Variants in MPPED1 observed in about 807,000 individuals in gnomAD.
The protein encoded by MPPED1 is metallophosphoesterase domain containing 1, also known as metallophosphoesterase domain-containing protein 1.
A neutral mutation model predicts 36.2 loss-of-function variants in MPPED1; 16 were observed. The observed-to-expected ratio is 0.44, with a 90% CI of 0.30 to 0.67. The LOEUF (loss-of-function observed/expected upper bound fraction) is 0.67. Ranked by LOEUF, MPPED1 falls within the 30% of genes least tolerant of loss-of-function variation. The pLI, the probability that MPPED1 is intolerant of heterozygous loss-of-function variation, is 0.10. For missense variants in MPPED1, 307 were observed against 453.4 expected (o/e 0.68, Z 2.93); for synonymous variants, 199 against 191.3 (o/e 1.04, Z -0.33).
At chr22:43,443,990 T>C (rs1325277558) in intron 3 of MPPED1, among the ~76,000 whole-genome samples, 1 of 152,016 alleles carries the variant, frequency 6.6e-6, no homozygotes, top group Non-Finnish European at 1.5e-5. Context: ...AGAAGAAAAA[T>C]GGATGGCTTG....
intron 3 of MPPED1, among the ~76,000 whole-genome samples, chr22:43,471,774 A>G (rs1424981540): frequency 6.6e-6 from 1 of 152,182 alleles, no homozygotes; most frequent in Non-Finnish European, 1.5e-5. Context: ...GGGGCCTGCT[A>G]GGGACAGAGC....
rs1233606135 is a variant in MPPED1 at position 43,474,444 on chromosome 22, G to A, written c.407-292G>A. ...GATGAAGACACCTGTTGGGGGCCTG[G>A]CAGCAGGTACCCCTGTCAGCGATTC... On this transcript the variant is annotated intron_variant, in intron 3 of 6. Coordinates refer to ENST00000443721, the MANE Select transcript of MPPED1 (RefSeq NM_001044370.2). This position sits in a 1 kb window ranked among gnomAD's most constrained non-coding sequence, Gnocchi z 5.2. 5.3e-5 allele frequency among the ~76,000 whole-genome samples: 8 copies of A among 152,252 alleles called. No individual in the cohort carries two copies. Among genetic ancestry groups the A allele is most frequent in the Non-Finnish European group, 1.2e-4 (8 of 68,044 alleles).
chr22:43,430,690 T>C (rs1929645042), intron 2 of MPPED1, among the ~76,000 whole-genome samples: 1 of 151,904 alleles, frequency 6.6e-6, no homozygotes, highest in Admixed American at 6.6e-5. Flanking sequence ...CCACGTCTTA[T>C]CTCTGGTCCC....
intron 5 of MPPED1, among the ~76,000 whole-genome samples, chr22:43,499,650 G>A (rs1409592315): frequency 7.9e-6 from 1 of 125,944 alleles, no homozygotes; most frequent in Non-Finnish European, 1.6e-5. Flanking sequence ...GGTGGTGGTG[G>A]TGATGGGGGT....
At chr22:43,417,723 G>A (rs1437036630) in intron 1 of MPPED1, 1 of 224,402 alleles carries the variant, frequency 4.5e-6, no homozygotes, top group Non-Finnish European at 9.0e-6. Context: ...AAAAGCCCTA[G>A]TAAGCACTGC....
In MPPED1 at chr22:43,424,982, G is replaced by T. The variant is rs1248736112; in HGVS notation, c.-4G>T. ...GGAGATGCCGGGGCGGCCGGCGGAGGTCCATGTGGCGCTCTAGGTGGGATG... is the reference window on the plus strand; with the variant it reads ...GGAGATGCCGGGGCGGCCGGCGGAGTTCCATGTGGCGCTCTAGGTGGGATG... On this transcript the variant is annotated 5_prime_UTR_variant, in exon 2 of 7. Coordinates refer to ENST00000443721, the MANE Select transcript of MPPED1 (RefSeq NM_001044370.2). The T allele has an allele frequency of 1.9e-6, 3 of 1,586,760 alleles. No homozygotes were observed. The South Asian group carries it at 3.4e-5, about 18-fold the overall frequency.
intron 3 of MPPED1, among the ~76,000 whole-genome samples, chr22:43,466,525 GTAT>G (rs1225821704): frequency 6.6e-6 from 1 of 152,208 alleles, no homozygotes; most frequent in Non-Finnish European, 1.5e-5. Context: ...CATCCAGGTT[GTAT>G]TAACCTTGCC....
chr22:43,498,089 T>A, intron 4 of MPPED1, 146 bp from the exon 5 acceptor site: 1 of 588,384 alleles, frequency 1.7e-6, no homozygotes, highest in Non-Finnish European at 3.0e-6. Context: ...GGTGAGTCCC[T>A]GCCTTCCCTA....
intron 3 of MPPED1, among the ~76,000 whole-genome samples, chr22:43,471,061 C>T (rs535579112): frequency 6.6e-6 from 1 of 152,380 alleles, no homozygotes; most frequent in Admixed American, 6.5e-5. Flanking sequence ...CAGTCATCAG[C>T]TGCTGAGGTG....
intron 3 of MPPED1, among the ~76,000 whole-genome samples, chr22:43,471,307 G>A (rs1251552413): frequency 1.3e-5 from 2 of 152,196 alleles, no homozygotes; most frequent in Non-Finnish European, 2.9e-5. Context: ...CGAAGGCAGC[G>A]ATGGTGGCCA....
At chr22:43,478,921 A>G (rs5759359) in intron 4 of MPPED1, among the ~76,000 whole-genome samples, 99,863 of 151,966 alleles carry the variant, frequency 0.66, 34,409 homozygotes, top group African/African-American at 0.88. Context: ...GTCTCTTGGT[A>G]GAGAGGGACC....
At position 43,464,291 on chromosome 22, in the gene MPPED1, CTGTGTGTGTGTGTG is replaced by C. The variant is rs60119589; in HGVS notation, c.407-10414_407-10401del. On this transcript the variant is annotated intron_variant, in intron 3 of 6. Transcript: ENST00000443721. The stretch of plus-strand genomic sequence containing the variant: ...AACATCTGAAAGCTGTTGGTCAGCT[CTGTGTGTGTGTGTG>C]TGTGTGTGTGTGTGTGTGTGTGTGT... Among the ~76,000 whole-genome samples, 804 of 143,910 alleles carry C rather than the reference CTGTGTGTGTGTGTG, an allele frequency of 5.6e-3. 7 individuals carry two copies. Among genetic ancestry groups the C allele is most frequent in the African/African-American group, 0.018 (698 of 39,282 alleles). 94.4% of individuals were successfully genotyped at this position (143,910 alleles called of 152,430 possible).
chr22:43,475,652 G>A (rs1471438807), intron 4 of MPPED1, among the ~76,000 whole-genome samples: 1 of 123,100 alleles, frequency 8.1e-6, no homozygotes, highest in Admixed American at 7.7e-5. Context: ...CATGATGATG[G>A]TTGTGGTGGT....
intron 3 of MPPED1, 49 bp downstream of exon 3, chr22:43,435,264 G>A (rs779025155): frequency 6.5e-7 from 1 of 1,532,376 alleles, no homozygotes; most frequent in Non-Finnish European, 8.8e-7. Context: ...CAGGAAGGGG[G>A]CTCCCGCCAG....
chr22:43,468,764 A>T (rs1027363222), intron 3 of MPPED1, among the ~76,000 whole-genome samples: 1 of 152,006 alleles, frequency 6.6e-6, no homozygotes, highest in Admixed American at 6.6e-5. Flanking sequence ...GCTCATGGAG[A>T]GCTGACCAGG....
Position 43,505,791 on chromosome 22 carries a change from C to A in MPPED1, c.*175C>A. The A allele has an allele frequency of 1.7e-6, 1 of 588,748 alleles. No individual in the cohort carries two copies. The highest frequency in any genetic ancestry group is 3.1e-5 in the Admixed American group (1 of 32,614). 36.5% of individuals were successfully genotyped at this position (588,748 alleles called of 1,614,324 possible). On this transcript the variant is annotated 3_prime_UTR_variant, in exon 7 of 7. Transcript: ENST00000443721. Reference sequence around the variant, plus strand: ...AGCCTTCTGTCACCTGGAGTTGGGACCCTGCGCATCCCCATCAGGGGTTCT... The same window carrying A: ...AGCCTTCTGTCACCTGGAGTTGGGAACCTGCGCATCCCCATCAGGGGTTCT...
At chr22:43,468,865 T>C (rs1246544775) in intron 3 of MPPED1, among the ~76,000 whole-genome samples, 3 of 152,166 alleles carry the variant, frequency 2.0e-5, no homozygotes, top group African/African-American at 7.2e-5. Context: ...GATGCTTAGC[T>C]TCCGTTGGGT....
intron 3 of MPPED1, among the ~76,000 whole-genome samples, chr22:43,458,331 G>A (rs527910303): frequency 1.3e-5 from 2 of 151,690 alleles, no homozygotes; most frequent in African/African-American, 4.8e-5. Context: ...CTGTCACCAG[G>A]CTGGAGTGCA....
rs1932820212 is a variant in MPPED1 at position 43,506,573 on chromosome 22, G to A, written c.*957G>A. 6.6e-6 allele frequency: 1 copy of A among 152,254 alleles called. No homozygotes were observed. Among genetic ancestry groups the A allele is most frequent in the African/African-American group, 2.4e-5 (1 of 41,450 alleles). 9.4% of individuals were successfully genotyped at this position (152,254 alleles called of 1,614,324 possible). ...CCGTAGTGAGGTTCTGTTCCTTGGTGCGGCTTCCCTTGCACCGTTAGGATT... is the reference window on the plus strand; with the variant it reads ...CCGTAGTGAGGTTCTGTTCCTTGGTACGGCTTCCCTTGCACCGTTAGGATT... On this transcript the variant is annotated 3_prime_UTR_variant, in exon 7 of 7. Coordinates refer to ENST00000443721, the MANE Select transcript of MPPED1 (RefSeq NM_001044370.2).
Sources: gnomAD v4.1 joint callset for allele counts (sites outside exome capture counted in the v4.1 genomes callset) on GRCh38, gnomAD v4.1.1 for gene constraint, Gnocchi (gnomAD v3.1) non-coding constraint, MANE v1.5 for transcripts, NCBI Gene and HGNC (gene_info 2026-07-23, HGNC 2026-07-21) for gene names.